The following NPEPPS variants were observed in gnomAD, a reference collection of about 807,000 sequenced individuals.
NPEPPS encodes the protein aminopeptidase puromycin sensitive.
Under a neutral mutation model 115.5 loss-of-function variants are expected in NPEPPS, and 14 were observed. The observed-to-expected ratio is 0.12, with a 90% CI of 0.08 to 0.19. The LOEUF (loss-of-function observed/expected upper bound fraction) is 0.19. NPEPPS is among the 10% of genes least tolerant of loss of function. NPEPPS has a pLI of 1.00. For missense variants in NPEPPS, 523 were observed against 1,110.8 expected (o/e 0.47, Z 7.52); for synonymous variants, 285 against 390.6 (o/e 0.73, Z 3.19).
At chr17:47,575,813 T>C (rs1395196543) in intron 3 of NPEPPS, among the ~76,000 whole-genome samples, 1 of 151,978 alleles carries the variant, frequency 6.6e-6, no homozygotes, top group African/African-American at 2.4e-5. Flanking sequence ...TTTCACTGTG[T>C]TAGCCAGGAT....
chr17:47,605,569 A>G lies in NPEPPS; in HGVS notation c.2095+17A>G, dbSNP rs752405649. 4 of 1,465,498 alleles carry G rather than the reference A, an allele frequency of 2.7e-6. No homozygotes were observed. The highest frequency in any genetic ancestry group is 3.8e-6 in the Non-Finnish European group (4 of 1,064,484). The allele number at this position is 1,465,498 out of a possible 1,614,324, so 90.8% of individuals were successfully genotyped here. On this transcript the variant is annotated intron_variant, in intron 17 of 22. Coordinates refer to ENST00000322157, the MANE Select transcript of NPEPPS (RefSeq NM_006310.4). ...CTGGAGAAGGTAATGGATATACTAAATGGAGAAAGAATTACGCAGAAGTTG... is the reference window on the plus strand; with the variant it reads ...CTGGAGAAGGTAATGGATATACTAAGTGGAGAAAGAATTACGCAGAAGTTG...
intron 1 of NPEPPS, among the ~76,000 whole-genome samples, chr17:47,534,009 T>A (rs1234936300): frequency 6.6e-6 from 1 of 152,210 alleles, no homozygotes; most frequent in African/African-American, 2.4e-5. Flanking sequence ...CATATATTAA[T>A]GTTTTTGAAA....
intron 2 of NPEPPS, among the ~76,000 whole-genome samples, chr17:47,552,413 G>A (rs1481861615): frequency 1.3e-5 from 2 of 152,178 alleles, no homozygotes; most frequent in Non-Finnish European, 2.9e-5. Flanking sequence ...GTGATAGTTA[G>A]CCAGCCCCTT....
chr17:47,600,856 A>G (rs1299155690), intron 14 of NPEPPS, among the ~76,000 whole-genome samples: 2 of 152,214 alleles, frequency 1.3e-5, no homozygotes, highest in Non-Finnish European at 1.5e-5. Flanking sequence ...TATCACAACA[A>G]TAAAAATTAA....
intron 3 of NPEPPS, among the ~76,000 whole-genome samples, chr17:47,569,862 G>A (rs1911090950): frequency 6.6e-6 from 1 of 152,066 alleles, no homozygotes; most frequent in African/African-American, 2.4e-5. Flanking sequence ...CAAGCGATCT[G>A]CCCACCCTGG....
chr17:47,575,525 A>G (rs1045582813), intron 3 of NPEPPS, among the ~76,000 whole-genome samples: 1 of 150,438 alleles, frequency 6.6e-6, no homozygotes, highest in African/African-American at 2.4e-5. Flanking sequence ...AGCTAATATA[A>G]CAACTGATAT....
At chr17:47,613,257 CTTTTTT>C (rs753383358) in intron 18 of NPEPPS, among the ~76,000 whole-genome samples, 4 of 98,226 alleles carry the variant, frequency 4.1e-5, no homozygotes, top group Admixed American at 2.2e-4. Context: ...ATAATATTTA[CTTTTTT>C]TTTTTTTTTT....
At chr17:47,538,036 G>GGA (rs1415492363) in intron 1 of NPEPPS, among the ~76,000 whole-genome samples, 124 of 150,626 alleles carry the variant, frequency 8.2e-4, no homozygotes, top group Non-Finnish European at 1.6e-3. Flanking sequence ...TGGGATTACA[G>GGA]GCATGCACCA....
chr17:47,588,041 A>G (rs970867125), intron 9 of NPEPPS, among the ~76,000 whole-genome samples: 1 of 151,882 alleles, frequency 6.6e-6, no homozygotes, highest in African/African-American at 2.4e-5. Flanking sequence ...GCAATTAAAT[A>G]ACTGGATATT....
chr17:47,619,663 T>C, intron 21 of NPEPPS, 74 bp from the exon 22 acceptor site: 1 of 1,231,756 alleles, frequency 8.1e-7, no homozygotes, highest in South Asian at 1.2e-5. Flanking sequence ...ACAGAATGAT[T>C]TATTTTTAGG....
intron 9 of NPEPPS, among the ~76,000 whole-genome samples, chr17:47,588,223 T>C (rs1265608713): frequency 6.6e-6 from 1 of 152,212 alleles, no homozygotes; most frequent in Admixed American, 6.5e-5. Flanking sequence ...TCTTTTCCTT[T>C]TATTTTGGAT....
intron 8 of NPEPPS, 66 bp downstream of exon 8, chr17:47,586,464 C>G (rs1453707167): frequency 8.9e-7 from 1 of 1,128,540 alleles, no homozygotes; most frequent in Non-Finnish European, 1.3e-6. Flanking sequence ...GGCTTCCCTC[C>G]TAATCACAGT....
chr17:47,595,980 TC>T (rs1912842731), intron 12 of NPEPPS: 1 of 72,728 alleles, frequency 1.4e-5, no homozygotes, highest in African/African-American at 6.2e-5. Context: ...AGACTCCATC[TC>T]AAAAAAAAAA....
chr17:47,556,394 TG>T (rs1395537897), intron 2 of NPEPPS, among the ~76,000 whole-genome samples: 2 of 152,004 alleles, frequency 1.3e-5, no homozygotes, highest in African/African-American at 4.8e-5. Flanking sequence ...AGCACCGGGT[TG>T]GGGGTAAGGT....
chr17:47,618,499 C>G (rs1277842547), intron 20 of NPEPPS, 42 bp downstream of exon 20: 3 of 1,335,360 alleles, frequency 2.2e-6, no homozygotes, highest in East Asian at 4.6e-5. Flanking sequence ...GAATCGTTAC[C>G]CATCTCTGAG....
intron 16 of NPEPPS, among the ~76,000 whole-genome samples, chr17:47,604,840 C>T (rs984086120): frequency 1.2e-4 from 19 of 152,164 alleles, no homozygotes; most frequent in Non-Finnish European, 2.6e-4. Flanking sequence ...TTTGTAGTGC[C>T]TTCTAGTTTA....
chr17:47,543,092 G>T (rs552379036), intron 1 of NPEPPS, among the ~76,000 whole-genome samples: 6 of 148,916 alleles, frequency 4.0e-5, no homozygotes, highest in Admixed American at 6.8e-5. Context: ...AGCCAAGATC[G>T]CAAGATCGCA....
chr17:47,549,236 G>A (rs796961340), intron 2 of NPEPPS, among the ~76,000 whole-genome samples: 6 of 151,826 alleles, frequency 4.0e-5, no homozygotes, highest in Admixed American at 2.0e-4. Flanking sequence ...CCAGCTACTC[G>A]GGAGGCTGAG....
At chr17:47,538,687 G>T (rs1309294314) in intron 1 of NPEPPS, among the ~76,000 whole-genome samples, 1 of 151,662 alleles carries the variant, frequency 6.6e-6, no homozygotes. Flanking sequence ...CTGCCATCAT[G>T]CCAGGCTAAT....
Sources: gnomAD v4.1 joint callset for allele counts (sites outside exome capture counted in the v4.1 genomes callset) on GRCh38, gnomAD v4.1.1 for gene constraint, MANE v1.5 for transcripts, NCBI Gene and HGNC (gene_info 2026-07-23, HGNC 2026-07-21) for gene names.